GRM8: variants seen among roughly 807,000 people sequenced by gnomAD.
GRM8 encodes the protein glutamate metabotropic receptor 8, also known as metabotropic glutamate receptor 8.
In GRM8, 47 loss-of-function variants were observed where a neutral mutation model predicts 87.2. The observed-to-expected ratio is 0.54, with a 90% CI of 0.43 to 0.69. The LOEUF is 0.69. GRM8 is among the 30% of genes least tolerant of loss of function. GRM8 has a pLI of 0.00. For synonymous variants in GRM8, 396 were observed against 404.5 expected (o/e 0.98, Z 0.25); for missense variants, 1,019 against 1,139.2 (o/e 0.89, Z 1.52).
Position 127,047,835 on chromosome 7 carries a change from C to CAAAAAAT in GRM8, c.727+58654_727+58660dup, listed in dbSNP as rs536238712. Among the ~76,000 whole-genome samples, 43 of 151,822 alleles carry CAAAAAAT rather than the reference C, an allele frequency of 2.8e-4. 1 individual carries two copies. Among genetic ancestry groups the CAAAAAAT allele is most frequent in the Middle Eastern group, 6.8e-3 (2 of 294 alleles). On this transcript the variant is annotated intron_variant, in intron 3 of 10. Transcript: ENST00000339582. Reference sequence around the variant, plus strand: ...TGGGTGACAAAATGAGACCCTGTTTCAAAAAATAAAAAATAAAAAAGCAAT... The same window carrying CAAAAAAT: ...TGGGTGACAAAATGAGACCCTGTTTCAAAAAATAAAAAATAAAAAATAAAAAAGCAAT...
chr7:127,040,474 C>G (rs1322367560), intron 3 of GRM8, among the ~76,000 whole-genome samples: 2 of 152,140 alleles, frequency 1.3e-5, no homozygotes, highest in African/African-American at 4.8e-5. Flanking sequence ...ACAGAATCAT[C>G]TCATTTTCTC....
rs78783341 is a variant in GRM8, at chr7:126,741,936, A to C, written c.1357+27929T>G. 2.0e-5 allele frequency among the ~76,000 whole-genome samples: 3 copies of C among 152,186 alleles called. No individual in the cohort carries two copies. The East Asian group carries it at 5.8e-4, about 29-fold the overall frequency. On this transcript the variant is annotated intron_variant, in intron 7 of 10. Coordinates refer to ENST00000339582, the MANE Select transcript of GRM8 (RefSeq NM_000845.3). Reference sequence around the variant, plus strand: ...GAGGAGGAGGATTAAATGAGACAACACATCCATTACAGTCATCCATCCCTC... The same window carrying C: ...GAGGAGGAGGATTAAATGAGACAACCCATCCATTACAGTCATCCATCCCTC...
chr7:126,809,498 CCT>C (rs1162852945), intron 6 of GRM8, among the ~76,000 whole-genome samples: 3 of 152,148 alleles, frequency 2.0e-5, no homozygotes. Context: ...AGGACTTAAA[CCT>C]ATAGATAAAA....
intron 9 of GRM8, among the ~76,000 whole-genome samples, chr7:126,494,424 G>A (rs897228728): frequency 6.6e-6 from 1 of 151,814 alleles, no homozygotes; most frequent in Non-Finnish European, 1.5e-5. Flanking sequence ...GTAGCTTTAG[G>A]AGCCCTATCA....
At chr7:127,078,341 A>G (rs147451736) in intron 3 of GRM8, among the ~76,000 whole-genome samples, 162 of 152,296 alleles carry the variant, frequency 1.1e-3, no homozygotes, top group African/African-American at 3.7e-3. Flanking sequence ...GCCGCTTAGC[A>G]GCATAGATCA....
intron 7 of GRM8, among the ~76,000 whole-genome samples, chr7:126,724,998 T>C (rs935219598): frequency 1.3e-5 from 2 of 152,180 alleles, no homozygotes; most frequent in Non-Finnish European, 2.9e-5. Flanking sequence ...CAGATGAGGT[T>C]CATGCTGTGA....
At chr7:126,815,189 A>C (rs991421517) in intron 6 of GRM8, among the ~76,000 whole-genome samples, 1 of 152,096 alleles carries the variant, frequency 6.6e-6, no homozygotes, top group African/African-American at 2.4e-5. Context: ...GTTCGTGACA[A>C]AAATTCCTGG....
intron 2 of GRM8, among the ~76,000 whole-genome samples, chr7:127,130,350 T>C (rs974051171): frequency 6.6e-6 from 1 of 151,962 alleles, no homozygotes; most frequent in Non-Finnish European, 1.5e-5. Context: ...GTTGGAACAG[T>C]TTGGAGGGCT....
rs375352988 is a variant in GRM8, at chr7:126,471,622, T to C, written c.2431-25250A>G. Among the ~76,000 whole-genome samples the C allele has an allele frequency of 1.4e-4, 22 of 151,884 alleles. No homozygotes were observed. In the South Asian group the frequency reaches 3.5e-3, roughly 24 times the overall value. On this transcript the variant is annotated intron_variant, in intron 9 of 10. Transcript: ENST00000339582. ...TGTAGTATAGTTTGAAGTCAGGTAG[T>C]GTGATGCCTCCAGCTTTGTTCTTTT...
chr7:126,870,955 C>T (rs1311925408), intron 6 of GRM8, among the ~76,000 whole-genome samples: 1 of 152,134 alleles, frequency 6.6e-6, no homozygotes, highest in Non-Finnish European at 1.5e-5. Context: ...CAAGTTTCCC[C>T]CCATTTTTTG....
intron 9 of GRM8, among the ~76,000 whole-genome samples, chr7:126,463,892 A>C (rs566320869): frequency 6.6e-6 from 1 of 151,774 alleles, no homozygotes; most frequent in African/African-American, 2.4e-5. Flanking sequence ...AAAAAAAATA[A>C]CTACAAATTT....
chr7:126,548,333 A>G (rs1817404257), intron 8 of GRM8, among the ~76,000 whole-genome samples: 1 of 152,048 alleles, frequency 6.6e-6, no homozygotes, highest in African/African-American at 2.4e-5. Flanking sequence ...AAAAAAGGAC[A>G]TAAACTGGTT....
intron 2 of GRM8, among the ~76,000 whole-genome samples, chr7:127,175,466 C>T (rs1203136068): frequency 2.6e-5 from 4 of 152,042 alleles, no homozygotes; most frequent in African/African-American, 7.2e-5. Flanking sequence ...AAAGTAATGA[C>T]AAACACAAAA....
intron 3 of GRM8, among the ~76,000 whole-genome samples, chr7:127,006,404 T>C (rs1387523026): frequency 6.6e-6 from 1 of 151,956 alleles, no homozygotes; most frequent in African/African-American, 2.4e-5. Context: ...ACTTCCTTAA[T>C]TCTATTTGCC....
chr7:126,969,544 G>A (rs1244970818), intron 3 of GRM8, among the ~76,000 whole-genome samples: 1 of 152,144 alleles, frequency 6.6e-6, no homozygotes, highest in African/African-American at 2.4e-5. Context: ...AAGCAATTCA[G>A]TCACATCATC....
intron 6 of GRM8, among the ~76,000 whole-genome samples, chr7:126,872,085 T>C (rs964749515): frequency 1.3e-5 from 2 of 152,178 alleles, no homozygotes; most frequent in South Asian, 4.2e-4. Context: ...ATCTGGGTGT[T>C]TGGCTTGTGT....
intron 2 of GRM8, among the ~76,000 whole-genome samples, chr7:127,197,356 G>A (rs879423299): frequency 6.6e-6 from 1 of 152,170 alleles, no homozygotes; most frequent in Non-Finnish European, 1.5e-5. Context: ...CAAAGAAGTT[G>A]GAAGGGGCCA....
intron 1 of GRM8, among the ~76,000 whole-genome samples, chr7:127,251,373 CCAACTGTACGAAGCTCAAGGGATAT>C (rs1798857538): frequency 6.6e-6 from 1 of 152,102 alleles, no homozygotes; most frequent in Non-Finnish European, 1.5e-5. Context: ...TATTTTTTCA[CCAACTGTACGAAGCTCAAGGGATAT>C]CCGAGCTTTC....
intron 6 of GRM8, among the ~76,000 whole-genome samples, chr7:126,859,082 C>T (rs1797932286): frequency 6.6e-6 from 1 of 151,960 alleles, no homozygotes; most frequent in Non-Finnish European, 1.5e-5. Context: ...CATCAGGGCA[C>T]ATATACCTCT....
Sources: gnomAD v4.1 joint callset for allele counts (sites outside exome capture counted in the v4.1 genomes callset) on GRCh38, gnomAD v4.1.1 for gene constraint, MANE v1.5 for transcripts, NCBI Gene and HGNC (gene_info 2026-07-23, HGNC 2026-07-21) for gene names.